UPF3B: variants seen among roughly 807,000 people sequenced by gnomAD.
UPF3B encodes the protein UPF3B regulator of nonsense mediated mRNA decay, also known as regulator of nonsense transcripts 3B.
UPF3B carries 7 observed loss-of-function variants against 40.3 expected under a neutral mutation model. That is an observed-to-expected ratio of 0.17 (90% confidence interval 0.10 to 0.33). UPF3B has a LOEUF of 0.33. Among genes scored for constraint, UPF3B ranks in the 10% least tolerant of loss-of-function variants. UPF3B has a pLI of 1.00. For missense variants in UPF3B, 229 were observed against 358.9 expected, an observed-to-expected ratio of 0.64 and a Z score of 2.93; for synonymous variants, 117 against 117.3, an observed-to-expected ratio of 1.00 and a Z score of 0.01.
chrX:119,849,705 T>A (rs891191703), intron 3 of UPF3B, among the ~76,000 whole-genome samples: 10 of 110,481 alleles, frequency 9.1e-5, no homozygotes, highest in African/African-American at 3.3e-4. Flanking sequence ...CCCCAACTGT[T>A]AATTTAAATC....
At chrX:119,828,032 C>T (rs1366915170) in intron 3 of UPF3B, among the ~76,000 whole-genome samples, 5 of 106,347 alleles carry the variant, frequency 4.7e-5, no homozygotes, top group African/African-American at 1.4e-4. Context: ...CCGTGCCCGA[C>T]CTTTTTTTTT....
intron 3 of UPF3B, among the ~76,000 whole-genome samples, chrX:119,823,687 C>T (rs5909658): frequency 0.46 from 48,721 of 106,462 alleles, 8,708 homozygotes; most frequent in East Asian, 0.78. Flanking sequence ...CCTCAGTCTC[C>T]CAAGTAGCTG....
At chrX:119,810,125 A>G (rs749372535) in intron 5 of UPF3B, among the ~76,000 whole-genome samples, 3 of 112,404 alleles carry the variant, frequency 2.7e-5, no homozygotes, top group Admixed American at 9.5e-5. Context: ...AGCAGAAACA[A>G]CAGTCAACAC....
downstream of UPF3B, among the ~76,000 whole-genome samples, chrX:119,830,687 A>AATATCATTCC (rs1161183546): frequency 1.8e-5 from 2 of 109,775 alleles, no homozygotes; most frequent in Admixed American, 2.0e-4. Flanking sequence ...GGCAGAAAGT[A>AATATCATTCC]ATATCATTCC....
intron 4 of UPF3B, among the ~76,000 whole-genome samples, chrX:119,821,599 C>T (rs1270701871): frequency 1.8e-5 from 2 of 111,894 alleles, no homozygotes; most frequent in Non-Finnish European, 3.8e-5. Context: ...AGTTCAAGAC[C>T]AGCCTGGCCA....
At chrX:119,818,820 C>T (rs1460803424) in intron 4 of UPF3B, among the ~76,000 whole-genome samples, 1 of 111,074 alleles carries the variant, frequency 9.0e-6, no homozygotes, top group African/African-American at 3.3e-5. Flanking sequence ...TGGCACCAAC[C>T]AATAGATCAT....
chrX:119,844,074 G>C, intron 4 of UPF3B, among the ~76,000 whole-genome samples: 1 of 110,740 alleles, frequency 9.0e-6, no homozygotes, highest in Non-Finnish European at 1.9e-5. Flanking sequence ...TTTTGAGACG[G>C]AGTTTTGCTT....
rs1436866810 is a variant in UPF3B, at chrX:119,841,782, C to T, written c.581-4G>A. The T allele has an allele frequency of 8.3e-7, 1 of 1,198,332 alleles. No individual in the cohort carries two copies. The highest frequency in any genetic ancestry group is 2.2e-5 in the Admixed American group (1 of 45,866). On this transcript the variant is annotated splice_region_variant and splice_polypyrimidine_tract_variant and intron_variant, in intron 5 of 10. Transcript: ENST00000276201. Reference sequence around the variant, plus strand: ...AAAAGTGGGGTTGTCTTTTTAGCTACATAAATGTAAACAGATTATTAATCA... The same window carrying T: ...AAAAGTGGGGTTGTCTTTTTAGCTATATAAATGTAAACAGATTATTAATCA...
In UPF3B at chrX:119,821,522, G is replaced by A. The variant is rs73607983; in HGVS notation, c.494+1420C>T. Among the ~76,000 whole-genome samples the A allele has an allele frequency of 4.2e-3, 469 of 112,567 alleles. 2 individuals are homozygous for A. Among genetic ancestry groups the A allele is most frequent in the African/African-American group, 0.014 (444 of 31,034 alleles). On this transcript the variant is annotated intron_variant, in intron 4 of 6. Coordinates refer to the UPF3B transcript ENST00000636792. ...TTTCTCAAAACTCACAGCTGGCTGG[G>A]CGTGGTGGCTCACGCCTGTAATCCC...
At chrX:119,810,773 T>A (rs746323814) in intron 5 of UPF3B, among the ~76,000 whole-genome samples, 1 of 111,168 alleles carries the variant, frequency 9.0e-6, no homozygotes, top group African/African-American at 3.3e-5. Context: ...CCTTCCAACT[T>A]CTTTTGGTTT....
chrX:119,816,422 C>T (rs902801189), intron 4 of UPF3B, among the ~76,000 whole-genome samples: 10 of 111,600 alleles, frequency 9.0e-5, no homozygotes, highest in African/African-American at 2.9e-4. Context: ...ATGAGTTCCA[C>T]GTGCACAAGG....
At chrX:119,822,489 C>T (rs1569459492) in intron 4 of UPF3B, among the ~76,000 whole-genome samples, 1 of 113,092 alleles carries the variant, frequency 8.8e-6, no homozygotes, top group African/African-American at 3.2e-5. Context: ...TTTTCTGACA[C>T]TTTAATTTAT....
Position 119,852,767 on chromosome X carries a change from G to C in UPF3B, c.156+6C>G, listed in dbSNP as rs1290098764. Reference sequence around the variant, plus strand: ...CCCTCTCCCGGGCCAGCGGCCGACCGGGCACCTTGCTCAGCGCTTCTTTCT... The same window carrying C: ...CCCTCTCCCGGGCCAGCGGCCGACCCGGCACCTTGCTCAGCGCTTCTTTCT... On this transcript the variant is annotated splice_donor_region_variant and intron_variant, in intron 1 of 10. Transcript: ENST00000276201. 10 of 1,212,220 alleles carry C rather than the reference G, an allele frequency of 8.2e-6. No individual in the cohort carries two copies. Among genetic ancestry groups the C allele is most frequent in the Admixed American group, 2.2e-5 (1 of 46,120 alleles).
chrX:119,818,211 G>A (rs953568027), intron 4 of UPF3B, among the ~76,000 whole-genome samples: 1 of 111,210 alleles, frequency 9.0e-6, no homozygotes, highest in Non-Finnish European at 1.9e-5. Context: ...GTTGTGGTGA[G>A]CTGAGATCAT....
rs182063499 is a variant in UPF3B, at chrX:119,847,541, G to A, written c.371-2245C>T. Among the ~76,000 whole-genome samples the A allele has an allele frequency of 3.2e-3, 355 of 110,972 alleles. 3 individuals are homozygous for A. The highest frequency in any genetic ancestry group is 0.011 in the African/African-American group (325 of 30,526). The stretch of plus-strand genomic sequence containing the variant: ...AGCACTTTGAGAGGCCGAGGTGGGC[G>A]CATCACTTGAGGTCAGGAGTTTGAG... On this transcript the variant is annotated intron_variant, in intron 3 of 10. Coordinates refer to ENST00000276201, the MANE Select transcript of UPF3B (RefSeq NM_080632.3).
At chrX:119,841,863 A>C in intron 5 of UPF3B, 85 bp from the exon 6 acceptor site, 1 of 815,245 alleles carries the variant, frequency 1.2e-6, no homozygotes, top group Non-Finnish European at 1.8e-6. Context: ...CCAACCACCC[A>C]AGGTGGGAAA....
intron 8 of UPF3B, among the ~76,000 whole-genome samples, chrX:119,839,678 GCA>G (rs1436027630): frequency 1.8e-5 from 2 of 111,757 alleles, no homozygotes; most frequent in Non-Finnish European, 3.8e-5. Context: ...AAGCATTTTG[GCA>G]CACAGACAGC....
chrX:119,826,664 A>G (rs939730833), intron 3 of UPF3B, among the ~76,000 whole-genome samples: 3 of 112,320 alleles, frequency 2.7e-5, no homozygotes, highest in African/African-American at 9.7e-5. Flanking sequence ...AGTGGGATCT[A>G]TTAGGTTGCT....
intron 4 of UPF3B, among the ~76,000 whole-genome samples, chrX:119,820,088 G>A (rs2055899948): frequency 9.0e-6 from 1 of 110,885 alleles, no homozygotes; most frequent in African/African-American, 3.3e-5. Context: ...CAGGTGAAGT[G>A]CCCGCCTTGG....
Sources: gnomAD v4.1 joint callset for allele counts (sites outside exome capture counted in the v4.1 genomes callset) on GRCh38, gnomAD v4.1.1 for gene constraint, MANE v1.5 for transcripts, NCBI Gene and HGNC (gene_info 2026-07-23, HGNC 2026-07-21) for gene names.